Variants in CRISPLD1 observed in about 807,000 individuals in gnomAD.
The protein encoded by CRISPLD1 is cysteine rich secretory protein LCCL domain containing 1, also known as cysteine-rich secretory protein LCCL domain-containing 1.
Under a neutral mutation model 77.5 loss-of-function variants are expected in CRISPLD1, and 60 were observed. The ratio of observed to expected loss-of-function variants is 0.77; its 90% CI spans 0.63 to 0.96. The LOEUF is 0.96. Ranked by LOEUF, CRISPLD1 falls within the 40% of genes least tolerant of loss-of-function variation. CRISPLD1 has a pLI of 0.00. For missense variants in CRISPLD1, 623 were observed against 615.8 expected, an observed-to-expected ratio of 1.01 and a Z score of -0.12; for synonymous variants, 195 against 200.1, an observed-to-expected ratio of 0.97 and a Z score of 0.22.
At chr8:74,988,363 GC>G (rs1352284371) in intron 2 of CRISPLD1, among the ~76,000 whole-genome samples, 1 of 151,906 alleles carries the variant, frequency 6.6e-6, no homozygotes, top group Non-Finnish European at 1.5e-5. Flanking sequence ...GCTGATTTTG[GC>G]CCCTTATACC....
At chr8:75,006,337 T>C (rs1812830368) in intron 2 of CRISPLD1, among the ~76,000 whole-genome samples, 1 of 152,160 alleles carries the variant, frequency 6.6e-6, no homozygotes, top group African/African-American at 2.4e-5. Flanking sequence ...GCTACATCAG[T>C]TTTGCAAAAA....
chr8:75,010,039 A>G (rs1297125544), intron 2 of CRISPLD1, among the ~76,000 whole-genome samples: 1 of 152,104 alleles, frequency 6.6e-6, no homozygotes, highest in Non-Finnish European at 1.5e-5. Context: ...CATCTTGAAT[A>G]TTTGACACTA....
At chr8:75,028,670 T>A (rs1014678524) in intron 13 of CRISPLD1, among the ~76,000 whole-genome samples, 1 of 152,182 alleles carries the variant, frequency 6.6e-6, no homozygotes, top group African/African-American at 2.4e-5. Flanking sequence ...TTCTTCTCCA[T>A]AGAAATCCCA....
intron 2 of CRISPLD1, among the ~76,000 whole-genome samples, chr8:75,006,709 T>C (rs865955665): frequency 3.3e-5 from 5 of 152,134 alleles, no homozygotes; most frequent in Non-Finnish European, 5.9e-5. Flanking sequence ...TTATTTTATT[T>C]ATTGAGGAAT....
intron 14 of CRISPLD1, among the ~76,000 whole-genome samples, chr8:75,030,846 GT>G (rs1274001502): frequency 2.7e-4 from 41 of 149,896 alleles, no homozygotes; most frequent in Non-Finnish European, 5.6e-4. Flanking sequence ...GTGTATATAT[GT>G]GAATGTATAT....
At chr8:75,029,639 T>C in intron 14 of CRISPLD1, 122 bp downstream of exon 14, 1 of 930,950 alleles carries the variant, frequency 1.1e-6, no homozygotes, top group Non-Finnish European at 1.6e-6. Context: ...GCAGAGCCAG[T>C]GTGTTCCTTT....
At chr8:75,028,662 C>A (rs1156333910) in intron 13 of CRISPLD1, among the ~76,000 whole-genome samples, 1 of 152,168 alleles carries the variant, frequency 6.6e-6, no homozygotes, top group African/African-American at 2.4e-5. Flanking sequence ...CAACAATTTT[C>A]TTCTCCATAG....
chr8:75,023,530 TAC>T (rs1486173886), intron 12 of CRISPLD1, among the ~76,000 whole-genome samples: 1 of 152,194 alleles, frequency 6.6e-6, no homozygotes, highest in African/African-American at 2.4e-5. Flanking sequence ...CTCTAGAATA[TAC>T]AGTGTTATAC....
chr8:75,003,985 A>T (rs550313079), intron 2 of CRISPLD1, among the ~76,000 whole-genome samples: 61 of 152,218 alleles, frequency 4.0e-4, no homozygotes, highest in Non-Finnish European at 6.0e-4. Context: ...ATATCTGCAT[A>T]TTAAGTTTTC....
At chr8:75,022,588 A>AG (rs1443506208) in intron 12 of CRISPLD1, among the ~76,000 whole-genome samples, 1 of 144,168 alleles carries the variant, frequency 6.9e-6, no homozygotes, top group Non-Finnish European at 1.6e-5. Context: ...ACTCTGTCTC[A>AG]GAAAAAAAAA....
chr8:75,010,077 A>G (rs1812902033), intron 2 of CRISPLD1, among the ~76,000 whole-genome samples: 2 of 152,120 alleles, frequency 1.3e-5, no homozygotes, highest in Admixed American at 6.6e-5. Flanking sequence ...AACTTTTATG[A>G]AAAGCAGCAA....
chr8:75,003,748 TAGGTA>T (rs142707081), intron 2 of CRISPLD1, among the ~76,000 whole-genome samples: 9,537 of 152,196 alleles, frequency 0.063, 339 homozygotes, highest in South Asian at 0.083. Context: ...ATAAGTGAGT[TAGGTA>T]AGGTATGGCC....
At position 75,004,291 on chromosome 8, in the gene CRISPLD1, A is replaced by G. The variant is rs142486775; in HGVS notation, c.259-8142A>G. On this transcript the variant is annotated intron_variant, in intron 2 of 14. Transcript: ENST00000262207. ...GTCTATTCAGAATGGGTGAAGCACA[A>G]CACTTAAAATACCTGGAGTAATTGA... 4.6e-5 allele frequency among the ~76,000 whole-genome samples: 7 copies of G among 152,180 alleles called. 1 individual carries two copies. Among genetic ancestry groups the G allele is most frequent in the Admixed American group, 2.0e-4 (3 of 15,270 alleles).
intron 2 of CRISPLD1, 48 bp from the exon 3 acceptor site, chr8:75,012,385 G>C: frequency 9.4e-7 from 1 of 1,063,444 alleles, no homozygotes; most frequent in Non-Finnish European, 1.5e-6. Flanking sequence ...TTCTGCAGAA[G>C]TGTCCAAATG....
At chr8:75,009,365 C>T (rs1191010824) in intron 2 of CRISPLD1, among the ~76,000 whole-genome samples, 1 of 151,896 alleles carries the variant, frequency 6.6e-6, no homozygotes, top group Non-Finnish European at 1.5e-5. Flanking sequence ...TGTTTCCTAA[C>T]CTAGCTACCG....
chr8:75,019,749 T>G, intron 10 of CRISPLD1, 121 bp from the exon 11 acceptor site: 2 of 702,374 alleles, frequency 2.8e-6, no homozygotes, highest in East Asian at 2.6e-5. Flanking sequence ...TTGCTACTTG[T>G]CTATTTTAGT....
chr8:74,990,261 C>T (rs2128780714), intron 2 of CRISPLD1, among the ~76,000 whole-genome samples: 1 of 151,190 alleles, frequency 6.6e-6, no homozygotes, highest in East Asian at 1.9e-4. Flanking sequence ...AACAAAACCG[C>T]ACTTATACTC....
intron 12 of CRISPLD1, among the ~76,000 whole-genome samples, chr8:75,024,573 C>A (rs192926613): frequency 5.9e-5 from 9 of 152,286 alleles, no homozygotes; most frequent in African/African-American, 2.2e-4. Context: ...GATCCACCCA[C>A]CTCGGCCTCC....
At chr8:74,991,141 C>T (rs1473407431) in intron 2 of CRISPLD1, among the ~76,000 whole-genome samples, 1 of 152,032 alleles carries the variant, frequency 6.6e-6, no homozygotes, top group East Asian at 1.9e-4. Context: ...TACAGGTGCG[C>T]ACCACCACTG....
Sources: gnomAD v4.1 joint callset for allele counts (sites outside exome capture counted in the v4.1 genomes callset) on GRCh38, gnomAD v4.1.1 for gene constraint, MANE v1.5 for transcripts, NCBI Gene and HGNC (gene_info 2026-07-23, HGNC 2026-07-21) for gene names.